Variants in FASTKD3 observed in about 807,000 individuals in gnomAD.
FASTKD3 encodes the protein FAST kinase domains 3.
In FASTKD3, 47 loss-of-function variants were observed where a neutral mutation model predicts 49.7. The ratio of observed to expected loss-of-function variants is 0.95; its 90% CI spans 0.75 to 1.21. The LOEUF is 1.21. Among genes scored for constraint, FASTKD3 ranks in the 50% most tolerant of loss-of-function variants. The pLI is 0.00. For missense variants in FASTKD3, 748 were observed against 765.7 expected, an observed-to-expected ratio of 0.98 and a Z score of 0.27; for synonymous variants, 284 against 288.6, an observed-to-expected ratio of 0.98 and a Z score of 0.16.
Position 7,867,630 on chromosome 5 carries a change from CT to C in FASTKD3, c.453del (p.Glu152LysfsTer27), listed in dbSNP as rs1459997556. The C allele has an allele frequency of 1.2e-6, 2 of 1,614,114 alleles. No homozygotes were observed. Among genetic ancestry groups the C allele is most frequent in the African/African-American group, 1.3e-5 (1 of 74,936 alleles). ...EKKDGDQGLP[K>X]EILENSIFQA... ...TGAAAGATGCTATTCTCCAGTATTT[CT>C]TTTGGCAGCCCTTGATCACCATCCT... On this transcript the variant is annotated frameshift_variant, in exon 2 of 7. Coordinates refer to ENST00000264669, the MANE Select transcript of FASTKD3 (RefSeq NM_024091.4). LOFTEE classifies it high-confidence loss of function.
intron 6 of FASTKD3, among the ~76,000 whole-genome samples, chr5:7,860,884 C>T (rs1746488841): frequency 6.6e-6 from 1 of 152,170 alleles, no homozygotes; most frequent in Non-Finnish European, 1.5e-5. Context: ...GAACTTTCCA[C>T]AGAATAGTTC....
rs769845202 is a variant in FASTKD3 at position 7,863,008 on chromosome 5, A to G, written c.1525-11T>C. The stretch of plus-strand genomic sequence containing the variant: ...AAGGAGTTTTGGACCCTAAAAAATC[A>G]TAAGTGCAAATGTGAGAAAGAAAAA... On this transcript the variant is annotated splice_polypyrimidine_tract_variant and intron_variant, in intron 3 of 6. Coordinates refer to ENST00000264669, the MANE Select transcript of FASTKD3 (RefSeq NM_024091.4). The G allele has an allele frequency of 1.4e-4, 221 of 1,606,398 alleles. No individual in the cohort carries two copies. The highest frequency in any genetic ancestry group is 1.8e-4 in the Non-Finnish European group (206 of 1,174,658).
At chr5:7,863,995 G>A (rs372337053) in intron 3 of FASTKD3, among the ~76,000 whole-genome samples, 7 of 152,070 alleles carry the variant, frequency 4.6e-5, no homozygotes, top group South Asian at 2.1e-4. Context: ...GACTACAGGC[G>A]TGTGCCATCA....
intron 3 of FASTKD3, 118 bp from the exon 4 acceptor site, chr5:7,863,115 T>C (rs1282534178): frequency 1.2e-6 from 1 of 839,362 alleles, no homozygotes; most frequent in Non-Finnish European, 1.9e-6. Flanking sequence ...GCATGATACT[T>C]TTCCAGGAAT....
At position 7,862,995 on chromosome 5, in the gene FASTKD3, A is replaced by G; in HGVS notation, c.1527T>C (p.Gly509=). 1 of 1,612,236 alleles carries G rather than the reference A, an allele frequency of 6.2e-7. No homozygotes were observed. The highest frequency in any genetic ancestry group is 8.5e-7 in the Non-Finnish European group (1 of 1,179,246). ...CTTGATATTTAGGAAGGAGTTTTGG[A>G]CCCTAAAAAATCATAAGTGCAAATG... ...ASVLECPFYK[G]PKLLPKYQVK... Residue 509 remains glycine, a splice_region_variant and synonymous_variant, in exon 4 of 7, where the codon GGT becomes GGC. Transcript: ENST00000264669.
chr5:7,863,119 C>T, intron 3 of FASTKD3, 122 bp from the exon 4 acceptor site: 1 of 822,216 alleles, frequency 1.2e-6, no homozygotes, highest in East Asian at 2.5e-5. Context: ...GATACTTTTC[C>T]AGGAATTGGG....
intron 4 of FASTKD3, chr5:7,861,916 G>C: frequency 2.5e-6 from 1 of 397,472 alleles, no homozygotes; most frequent in Middle Eastern, 4.2e-4. Context: ...GGTATGACAA[G>C]AACCATGCAT....
intron 1 of FASTKD3, among the ~76,000 whole-genome samples, chr5:7,868,666 G>C (rs1161201627): frequency 2.0e-5 from 3 of 152,194 alleles, no homozygotes; most frequent in Non-Finnish European, 4.4e-5. Flanking sequence ...GGTCTACTTT[G>C]TCAATGGAAA....
intron 3 of FASTKD3, among the ~76,000 whole-genome samples, chr5:7,865,105 G>A (rs1056088907): frequency 2.0e-5 from 3 of 152,086 alleles, no homozygotes; most frequent in African/African-American, 7.2e-5. Flanking sequence ...ACTTTGATTA[G>A]TGAGTCTCAT....
chr5:7,867,463 A>C lies in FASTKD3; in HGVS notation c.621T>G (p.Arg207=), dbSNP rs1747064429. 1 of 1,614,210 alleles carries C rather than the reference A, an allele frequency of 6.2e-7. No homozygotes were observed. Among genetic ancestry groups the C allele is most frequent in the Non-Finnish European group, 8.5e-7 (1 of 1,180,038 alleles). The change falls in exon 2 of 7, where the codon CGT becomes CGG. Residue 207 remains arginine (R), a synonymous_variant. Coordinates refer to ENST00000264669, the MANE Select transcript of FASTKD3 (RefSeq NM_024091.4). ...GAACTTCCATGCCACCTTTTCTGAG[A>C]CGATTTTGGCATTCTGCCACCAGGT... ...LLNLVAECQN[R]LRKGGMEVRN...
In FASTKD3 at chr5:7,867,269, T is replaced by C; in HGVS notation, c.815A>G (p.Glu272Gly). The C allele has an allele frequency of 6.2e-7, 1 of 1,613,856 alleles. No homozygotes were observed. The highest frequency in any genetic ancestry group is 8.5e-7 in the Non-Finnish European group (1 of 1,180,036). The change falls in exon 2 of 7, where the codon GAA becomes GGA. Residue 272 changes from glutamate to glycine, a missense_variant. By Grantham distance (98) the Glu-to-Gly change is moderately conservative (BLOSUM62 -2). This residue lies in a region of FASTKD3 where 564 missense variants were observed against 562.8 expected (regional missense o/e 1.00). Coordinates refer to ENST00000264669, the MANE Select transcript of FASTKD3 (RefSeq NM_024091.4). ...ILQACTEKVD[E>G]HQTFLNKINN... ...TATCTTATTTAAAAATGTTTGGTGT[T>C]CATCCACTTTTTCAGTACATGCCTG...
intron 5 of FASTKD3, 79 bp downstream of exon 5, chr5:7,861,504 A>T: frequency 1.9e-6 from 2 of 1,043,662 alleles, no homozygotes; most frequent in Non-Finnish European, 1.3e-6. Context: ...TATTTTTTTC[A>T]CCTTCTTGAG....
In FASTKD3 at chr5:7,862,719, AT is replaced by A. The variant is rs940461699; in HGVS notation, c.1699+103del. 3.0e-5 allele frequency: 30 copies of A among 986,202 alleles called. No homozygotes were observed. The Admixed American group carries it at 6.9e-4, about 23-fold the overall frequency. The allele number at this position is 986,202 out of a possible 1,614,324, so 61.1% of individuals were successfully genotyped here. A position where few individuals can be genotyped will look rare whatever the true frequency, so the allele number is the denominator to read the frequency against. ...TTGCCTTCAGGGAAGGGACCATTCC[AT>A]TTTGCATTTCCAGAGAACTTCTATT... is the stretch of plus-strand genomic sequence containing the variant. On this transcript the variant is annotated intron_variant, in intron 4 of 6. Transcript: ENST00000264669.
chr5:7,861,340 A>G (rs1746515475), intron 5 of FASTKD3, 77 bp from the exon 6 acceptor site: 9 of 844,462 alleles, frequency 1.1e-5, no homozygotes, highest in Non-Finnish European at 1.6e-5. Context: ...TAGTTGCCAA[A>G]GTTTATTTGG....
chr5:7,867,772 C>A lies in FASTKD3; in HGVS notation c.312G>T (p.Arg104Ser), dbSNP rs1389876253. Residue 104 changes from arginine to serine, a missense_variant, in exon 2 of 7, where the codon AGG (arginine) becomes AGT (serine). Physicochemically the swap from Arg to Ser is moderately radical, Grantham distance 110. Coordinates refer to ENST00000264669, the MANE Select transcript of FASTKD3 (RefSeq NM_024091.4). ...CTGATGAAGTCAAGTTGCTCAGTCT[C>A]CTGTAAAACATCTGACTCTCCTCAT... ...VKNEESQMFY[R>S]RLSNLTSSEE... The A allele has an allele frequency of 1.2e-6, 2 of 1,614,222 alleles. No homozygotes were observed. The highest frequency in any genetic ancestry group is 1.7e-5 in the Admixed American group (1 of 60,030).
intron 3 of FASTKD3, among the ~76,000 whole-genome samples, chr5:7,863,450 C>T (rs143241930): frequency 5.9e-4 from 90 of 152,272 alleles, no homozygotes; most frequent in African/African-American, 2.0e-3. Context: ...ACCTTTTAAG[C>T]ACAGACAGGC....
chr5:7,867,930 G>T lies in FASTKD3; in HGVS notation c.154C>A (p.Pro52Thr). The T allele has an allele frequency of 6.2e-7, 1 of 1,614,066 alleles. No individual in the cohort carries two copies. Among genetic ancestry groups the T allele is most frequent in the African/African-American group, 1.3e-5 (1 of 74,984 alleles). Residue 52 changes from proline to threonine, a missense_variant, in exon 2 of 7, where the codon CCT becomes ACT. By Grantham distance (38) the Pro-to-Thr change is conservative. Transcript: ENST00000264669. The part of the protein sequence containing the change: ...CPWLCSRQPE[P>T]FGVKFHHAHC... ...GCATGATGGAATTTGACCCCGAAAG[G>T]CTCAGGTTGTCGTGAACACAACCAA... is the stretch of plus-strand genomic sequence containing the variant.
In FASTKD3 at chr5:7,862,937, C is replaced by A; in HGVS notation, c.1585G>T (p.Glu529Ter). 6.2e-7 allele frequency: 1 copy of A among 1,613,952 alleles called. No homozygotes were observed. Residue 529 changes from glutamate (E) to a stop codon, truncating the protein, a stop_gained, in exon 4 of 7, where the codon GAG becomes TAG. Coordinates refer to ENST00000264669, the MANE Select transcript of FASTKD3 (RefSeq NM_024091.4). LOFTEE classifies it high-confidence loss of function. ...KSFLTPCCSL[E>*]TPVDSQLYRY... ...TAAAGCTGAGAATCCACAGGGGTCTCCAGGGAACAGCATGGGGTAAGAAAT... is the reference window on the plus strand; with the variant it reads ...TAAAGCTGAGAATCCACAGGGGTCTACAGGGAACAGCATGGGGTAAGAAAT...
chr5:7,861,367 T>G, intron 5 of FASTKD3, 104 bp from the exon 6 acceptor site: 2 of 622,098 alleles, frequency 3.2e-6, no homozygotes, highest in Non-Finnish European at 5.1e-6. Context: ...GCTATTACTA[T>G]GTGCCAATAT....
Sources: allele counts gnomAD v4.1 joint callset (sites outside exome capture counted in the v4.1 genomes callset), GRCh38; gene constraint gnomAD v4.1.1; regional missense constraint gnomAD v4.1.1; transcripts MANE v1.5; gene names NCBI Gene and HGNC (gene_info 2026-07-23, HGNC 2026-07-21).